SMARCA2: variants seen among roughly 807,000 people sequenced by gnomAD.
The protein encoded by SMARCA2 is SWI/SNF-related matrix-associated actin-dependent regulator of chromatin subfamily A member 2.
Under a neutral mutation model 199.8 loss-of-function variants are expected in SMARCA2, and 61 were observed. The observed-to-expected ratio is 0.31, with a 90% confidence interval of 0.25 to 0.38. The LOEUF is 0.38. SMARCA2 is among the 10% of genes least tolerant of loss of function. SMARCA2 has a pLI of 1.00. For missense variants in SMARCA2, 1,344 were observed against 2,012.2 expected, an observed-to-expected ratio of 0.67 and a Z score of 6.35; for synonymous variants, 935 against 732.0, an observed-to-expected ratio of 1.28 and a Z score of -4.48.
At chr9:2,072,549 C>G (rs1821135799) in intron 10 of SMARCA2, among the ~76,000 whole-genome samples, 1 of 152,226 alleles carries the variant, frequency 6.6e-6, no homozygotes, top group African/African-American at 2.4e-5. Context: ...TCTGCAGAGA[C>G]CAAACCAGCC....
intron 17 of SMARCA2, 26 bp downstream of exon 17, chr9:2,084,222 C>G (rs200517587): frequency 8.8e-6 from 11 of 1,253,390 alleles, no homozygotes; most frequent in African/African-American, 2.9e-5. Flanking sequence ...ATTATTTTCT[C>G]TCTAATTAGG....
intron 18 of SMARCA2, 94 bp downstream of exon 18, chr9:2,087,165 A>C (rs564148058): frequency 1.4e-6 from 2 of 1,474,958 alleles, no homozygotes; most frequent in East Asian, 2.3e-5. Context: ...GAACACCCGC[A>C]GGGTGGTTTC....
chr9:2,171,468 A>G (rs2129738551), intron 29 of SMARCA2, among the ~76,000 whole-genome samples: 1 of 152,248 alleles, frequency 6.6e-6, no homozygotes. Context: ...TTATACTTAT[A>G]CTTATCCATT....
intron 14 of SMARCA2, among the ~76,000 whole-genome samples, chr9:2,081,044 T>A (rs773802589): frequency 2.2e-4 from 33 of 152,214 alleles, no homozygotes; most frequent in Non-Finnish European, 4.7e-4. Context: ...CATAACATCA[T>A]TAGCAAGCTA....
intron 24 of SMARCA2, among the ~76,000 whole-genome samples, chr9:2,113,843 A>G (rs931551728): frequency 1.3e-5 from 2 of 152,218 alleles, no homozygotes; most frequent in Non-Finnish European, 2.9e-5. Flanking sequence ...AGGGTCAGCA[A>G]TCTACTACTC....
At chr9:2,088,473 C>T in intron 18 of SMARCA2, 27 bp from the exon 19 acceptor site, 1 of 1,552,976 alleles carries the variant, frequency 6.4e-7, no homozygotes, top group Non-Finnish European at 8.6e-7. Context: ...TTTAAAAAAT[C>T]AAATTCATAA....
At chr9:2,067,857 C>T (rs1820912449) in intron 9 of SMARCA2, among the ~76,000 whole-genome samples, 1 of 152,188 alleles carries the variant, frequency 6.6e-6, no homozygotes, top group South Asian at 2.1e-4. Flanking sequence ...TTTTAGATAA[C>T]AATCTAGCTA....
intron 21 of SMARCA2, among the ~76,000 whole-genome samples, chr9:2,099,576 A>G (rs1165745869): frequency 1.3e-5 from 2 of 152,142 alleles, no homozygotes; most frequent in African/African-American, 4.8e-5. Context: ...TTCAGTACCT[A>G]CATATTGACA....
chr9:2,068,595 A>G (rs145298990), intron 9 of SMARCA2, among the ~76,000 whole-genome samples: 212 of 152,354 alleles, frequency 1.4e-3, no homozygotes, highest in African/African-American at 4.9e-3. Context: ...TATATAATCA[A>G]TATCTTAAGT....
In SMARCA2 at chr9:2,161,984, T is replaced by C. The variant is rs1173090624; in HGVS notation, c.4199+81T>C. ...TCCCTGAGGAGCAGGAGTTGTTAAG[T>C]TGTGCACTTAGGTTTTATTAAGGTT... is the stretch of plus-strand genomic sequence containing the variant. On this transcript the variant is annotated intron_variant, in intron 28 of 33. Coordinates refer to ENST00000349721, the MANE Select transcript of SMARCA2 (RefSeq NM_003070.5). This position sits in a 1 kb window ranked among gnomAD's most constrained non-coding sequence, Gnocchi z 4.7. 3 of 1,144,948 alleles carry C rather than the reference T, an allele frequency of 2.6e-6. No homozygotes were observed. Among genetic ancestry groups the C allele is most frequent in the African/African-American group, 3.1e-5 (2 of 64,458 alleles). The allele number at this position is 1,144,948 out of a possible 1,614,324, so 70.9% of individuals were successfully genotyped here.
At position 2,104,180 on chromosome 9, in the gene SMARCA2, A is replaced by G. The variant is rs1015434405; in HGVS notation, c.3292+11A>G. 6.2e-7 allele frequency: 1 copy of G among 1,609,960 alleles called. No homozygotes were observed. The highest frequency in any genetic ancestry group is 1.7e-5 in the Admixed American group (1 of 59,746). Reference sequence around the variant, plus strand: ...ACCTACGCCTTGATGGTAAGTGCATAAGGCATTAGGCTCGGAAGCCATACT... The same window carrying G: ...ACCTACGCCTTGATGGTAAGTGCATGAGGCATTAGGCTCGGAAGCCATACT... On this transcript the variant is annotated intron_variant, in intron 23 of 33. Coordinates refer to ENST00000349721, the MANE Select transcript of SMARCA2 (RefSeq NM_003070.5). The surrounding 1 kb of genome is among the most constrained non-coding windows in gnomAD (Gnocchi z 4.0).
intron 27 of SMARCA2, among the ~76,000 whole-genome samples, chr9:2,130,638 AT>A (rs1294615131): frequency 6.6e-6 from 1 of 152,224 alleles, no homozygotes; most frequent in Non-Finnish European, 1.5e-5. Context: ...GCCCAAGGTG[AT>A]AACAGTGCTA....
chr9:2,058,869 C>G (rs933684440), intron 8 of SMARCA2, among the ~76,000 whole-genome samples: 12 of 152,132 alleles, frequency 7.9e-5, no homozygotes, highest in Non-Finnish European at 1.8e-4. Flanking sequence ...GTCGTGTCTT[C>G]AAATCTAAGA....
intron 27 of SMARCA2, among the ~76,000 whole-genome samples, chr9:2,145,171 T>C (rs1350773421): frequency 6.6e-6 from 1 of 151,922 alleles, no homozygotes; most frequent in African/African-American, 2.4e-5. Flanking sequence ...TGGTGGTGCA[T>C]GTCTGTAGTC....
chr9:2,151,975 A>G (rs1825104737), intron 27 of SMARCA2, among the ~76,000 whole-genome samples: 1 of 152,188 alleles, frequency 6.6e-6, no homozygotes, highest in African/African-American at 2.4e-5. Flanking sequence ...GCTTAGTGTG[A>G]CTAGTATTCA....
chr9:2,058,046 A>G (rs1252138110), intron 7 of SMARCA2: 6 of 353,942 alleles, frequency 1.7e-5, no homozygotes, highest in Non-Finnish European at 3.1e-5. Context: ...CCACACCCTC[A>G]AGGCTAAGGA....
intron 27 of SMARCA2, among the ~76,000 whole-genome samples, chr9:2,146,188 T>A (rs1210315294): frequency 1.3e-5 from 2 of 152,220 alleles, no homozygotes; most frequent in African/African-American, 4.8e-5. Flanking sequence ...GCCTTTTTGC[T>A]GTGTCCTCAC....
At position 2,191,302 on chromosome 9, in the gene SMARCA2, A is replaced by C. The variant is rs763807117; in HGVS notation, c.4631A>C (p.Lys1544Thr). Residue 1544 changes from lysine to threonine, a missense_variant, in exon 33 of 34, where the codon AAA (lysine) becomes ACA (threonine). Around this residue, in one of 18 missense-constraint regions of SMARCA2, gnomAD observed 155 missense variants for 121.1 expected, o/e 1.28. Coordinates refer to ENST00000349721, the MANE Select transcript of SMARCA2 (RefSeq NM_003070.5). ...AAGGTGAAAATTAAGCTCAATAAAAAAGATGACAAAGGCCGGGACAAAGGG... is the reference window on the plus strand; with the variant it reads ...AAGGTGAAAATTAAGCTCAATAAAACAGATGACAAAGGCCGGGACAAAGGG... ...SVKVKIKLNK[K>T]DDKGRDKGKG... 2.5e-6 allele frequency: 4 copies of C among 1,614,236 alleles called. No individual in the cohort carries two copies.
chr9:2,086,285 A>G lies in SMARCA2; in HGVS notation c.2527-544A>G, dbSNP rs1410244774. ...GCAACCAGTCCAAACAAAACAAAAC[A>G]CACTTCCGGGCCAAGCCCTAAAGGT... On this transcript the variant is annotated intron_variant, in intron 17 of 33. Transcript: ENST00000349721. The surrounding 1 kb of genome is among the most constrained non-coding windows in gnomAD (Gnocchi z 4.3). Among the ~76,000 whole-genome samples the G allele has an allele frequency of 2.0e-5, 3 of 152,196 alleles. No homozygotes were observed. Among genetic ancestry groups the G allele is most frequent in the Non-Finnish European group, 2.9e-5 (2 of 68,038 alleles).
Sources: allele counts gnomAD v4.1 joint callset (sites outside exome capture counted in the v4.1 genomes callset), GRCh38; gene constraint gnomAD v4.1.1; regional missense constraint gnomAD v4.1.1; non-coding constraint Gnocchi (gnomAD v3.1); transcripts MANE v1.5; gene names NCBI Gene and HGNC (gene_info 2026-07-23, HGNC 2026-07-21).